Variants in RNF182 observed in about 807,000 individuals in gnomAD.
The protein encoded by RNF182 is ring finger protein 182.
A neutral mutation model predicts 14.4 loss-of-function variants in RNF182; 15 were observed. The observed-to-expected ratio is 1.04, with a 90% CI of 0.70 to 1.60. The LOEUF (loss-of-function observed/expected upper bound fraction) is 1.60. Among genes scored for constraint, RNF182 ranks in the 40% most tolerant of loss-of-function variants. The pLI, the probability that RNF182 is intolerant of heterozygous loss-of-function variation, is 0.00. For missense variants in RNF182, 268 were observed against 294.8 expected (o/e 0.91, Z 0.67); for synonymous variants, 128 against 122.9 (o/e 1.04, Z -0.27).
intron 1 of RNF182, among the ~76,000 whole-genome samples, chr6:13,966,192 A>G (rs1489256544): frequency 6.6e-6 from 1 of 152,242 alleles, no homozygotes; most frequent in East Asian, 1.9e-4. Flanking sequence ...TTACTACATA[A>G]GAATTTAGAA....
rs749580920 is a variant in RNF182, at chr6:13,977,547, C to T, written c.428C>T (p.Ser143Phe). The T allele has an allele frequency of 2.5e-6, 4 of 1,614,220 alleles. No homozygotes were observed. The East Asian group carries it at 8.9e-5, about 36-fold the overall frequency. The change falls in exon 3 of 3, where the codon TCC becomes TTC. Residue 143 changes from serine to phenylalanine, a missense_variant. Physicochemically the swap from Ser to Phe is radical, Grantham distance 155. Transcript: ENST00000488300. ...IMEVQRESSPSLSSTPVVEFY... is the reference protein window; with the variant it reads ...IMEVQRESSPFLSSTPVVEFY... ...GAGGTGCAGAGAGAGAGCTCCCCGTCCCTGAGCTCCACTCCTGTGGTAGAA... is the reference window on the plus strand; with the variant it reads ...GAGGTGCAGAGAGAGAGCTCCCCGTTCCTGAGCTCCACTCCTGTGGTAGAA...
At chr6:13,937,474 C>G (rs1186066078) in intron 1 of RNF182, among the ~76,000 whole-genome samples, 1 of 152,214 alleles carries the variant, frequency 6.6e-6, no homozygotes, top group South Asian at 2.1e-4. Context: ...GGATATTCAT[C>G]CTTGCTGCTG....
intron 1 of RNF182, 75 bp downstream of exon 1, chr6:13,925,098 G>A (rs1758787168): frequency 6.7e-6 from 1 of 149,938 alleles, no homozygotes; most frequent in African/African-American, 2.4e-5. Flanking sequence ...GCAGCAGCCA[G>A]CCCCGCAGTC....
At chr6:13,952,412 A>G (rs966948020) in intron 1 of RNF182, among the ~76,000 whole-genome samples, 2 of 152,132 alleles carry the variant, frequency 1.3e-5, no homozygotes, top group Non-Finnish European at 2.9e-5. Context: ...TCAACATCCC[A>G]TAGTGTCAAA....
intron 1 of RNF182, among the ~76,000 whole-genome samples, chr6:13,954,592 T>A (rs1759682827): frequency 6.6e-6 from 1 of 152,184 alleles, no homozygotes; most frequent in African/African-American, 2.4e-5. Flanking sequence ...TCTTTGGGTA[T>A]CATTAGTATT....
At chr6:13,932,942 C>G (rs1759009332) in intron 1 of RNF182, among the ~76,000 whole-genome samples, 1 of 152,144 alleles carries the variant, frequency 6.6e-6, no homozygotes, top group Non-Finnish European at 1.5e-5. Context: ...ACTGAAGGTA[C>G]CATTCTAGGT....
In RNF182 at chr6:13,925,016, C is replaced by T. The variant is rs1758778326; in HGVS notation, c.-374C>T. ...GCGGCTCCCGGGCCCTGGGCCGCCG[C>T]CGGCCAGGTAAGGCGATCGCGCCCG... is the stretch of plus-strand genomic sequence containing the variant. On this transcript the variant is annotated 5_prime_UTR_variant, in exon 1 of 3. Transcript: ENST00000488300. The T allele has an allele frequency of 6.7e-6, 1 of 150,238 alleles. No individual in the cohort carries two copies. The highest frequency in any genetic ancestry group is 6.6e-5 in the Admixed American group (1 of 15,080). The allele number at this position is 150,238 out of a possible 1,614,324, so 9.3% of individuals were successfully genotyped here.
At position 13,939,598 on chromosome 6, in the gene RNF182, C is replaced by T. The variant is rs1037861183; in HGVS notation, c.-367+14575C>T. 7.2e-5 allele frequency among the ~76,000 whole-genome samples: 11 copies of T among 152,050 alleles called. No individual in the cohort carries two copies. In the East Asian group the frequency reaches 7.7e-4, roughly 11 times the overall value. On this transcript the variant is annotated intron_variant, in intron 1 of 2. Coordinates refer to ENST00000488300, the MANE Select transcript of RNF182 (RefSeq NM_152737.4). The stretch of plus-strand genomic sequence containing the variant: ...TCTCTCTGTTGCCCACACTGGAGTG[C>T]AGTGGCGCGATCTGGGCTCGCTGCA...
In RNF182 at chr6:13,977,680, G is replaced by A. The variant is rs1760373017; in HGVS notation, c.561G>A (p.Trp187Ter). The A allele has an allele frequency of 1.2e-6, 2 of 1,614,160 alleles. No individual in the cohort carries two copies. Among genetic ancestry groups the A allele is most frequent in the Non-Finnish European group, 8.5e-7 (1 of 1,180,010 alleles). Residue 187 changes from tryptophan (W) to a stop codon, truncating the protein, a stop_gained, in exon 3 of 3, where the codon TGG becomes TGA. Transcript: ENST00000488300. LOFTEE classifies it high-confidence loss of function. The part of the protein sequence containing the change: ...LFQTSIRVLV[W>*]LLGLLYFSSL... ...AGACATCCATCCGGGTGTTAGTGTGGTTGCTAGGTTTGCTCTACTTCAGCT... is the reference window on the plus strand; with the variant it reads ...AGACATCCATCCGGGTGTTAGTGTGATTGCTAGGTTTGCTCTACTTCAGCT...
At chr6:13,971,956 G>C (rs947380764) in intron 1 of RNF182, among the ~76,000 whole-genome samples, 4 of 152,158 alleles carry the variant, frequency 2.6e-5, no homozygotes, top group African/African-American at 9.7e-5. Flanking sequence ...AAAGCATTCA[G>C]TTTTATGTAT....
rs138594440 is a variant in RNF182 at position 13,956,825 on chromosome 6, C to T, written c.-366-17385C>T. ...AATGTATTTATAATTTAAAAGCTTC[C>T]CCAAATTCATCATTTCCTGGGCTGA... On this transcript the variant is annotated intron_variant, in intron 1 of 2. Coordinates refer to ENST00000488300, the MANE Select transcript of RNF182 (RefSeq NM_152737.4). Among the ~76,000 whole-genome samples, 317 of 152,164 alleles carry T rather than the reference C, an allele frequency of 2.1e-3. 1 individual carries two copies. The highest frequency in any genetic ancestry group is 6.9e-3 in the African/African-American group (285 of 41,512).
At chr6:13,973,777 A>C (rs1312191947) in intron 1 of RNF182, among the ~76,000 whole-genome samples, 1 of 152,210 alleles carries the variant, frequency 6.6e-6, no homozygotes. Flanking sequence ...TAGCAGCATG[A>C]GAATGGACTA....
chr6:13,971,426 T>G (rs1388752118), intron 1 of RNF182, among the ~76,000 whole-genome samples: 1 of 152,194 alleles, frequency 6.6e-6, no homozygotes, highest in African/African-American at 2.4e-5. Flanking sequence ...CCTCTTTTTC[T>G]TTATAAATTA....
At chr6:13,949,289 A>G (rs927076107) in intron 1 of RNF182, 1 of 779,066 alleles carries the variant, frequency 1.3e-6, no homozygotes, top group African/African-American at 1.7e-5. Context: ...CACATCTGTC[A>G]GAAACCTGAC....
chr6:13,944,903 C>T (rs1276629632), intron 1 of RNF182, among the ~76,000 whole-genome samples: 2 of 152,146 alleles, frequency 1.3e-5, no homozygotes, highest in Non-Finnish European at 2.9e-5. Flanking sequence ...AATTTGCTTT[C>T]CTCAGAAGTG....
At chr6:13,937,933 T>C (rs1759177759) in intron 1 of RNF182, among the ~76,000 whole-genome samples, 1 of 152,048 alleles carries the variant, frequency 6.6e-6, no homozygotes, top group Non-Finnish European at 1.5e-5. Flanking sequence ...ATTAGCCATT[T>C]GGATAGCCTC....
intron 1 of RNF182, among the ~76,000 whole-genome samples, chr6:13,956,786 A>G (rs1403548441): frequency 1.3e-5 from 2 of 152,186 alleles, no homozygotes; most frequent in African/African-American, 4.8e-5. Context: ...TCTCTCAACC[A>G]CAAATATAGG....
At chr6:13,959,552 G>T (rs541064506) in intron 1 of RNF182, among the ~76,000 whole-genome samples, 1 of 152,262 alleles carries the variant, frequency 6.6e-6, no homozygotes, top group South Asian at 2.1e-4. Flanking sequence ...CAATGAACAA[G>T]GTCAAAACCT....
chr6:13,979,468 A>G lies in RNF182; in HGVS notation c.*1605A>G, dbSNP rs1031744489. The stretch of plus-strand genomic sequence containing the variant: ...ATAGCAGTTTGATTTTAATTGTAAA[A>G]CTAAACTTCGGGAATATGTATGCCC... On this transcript the variant is annotated 3_prime_UTR_variant, in exon 3 of 3. Transcript: ENST00000488300. The G allele has an allele frequency of 1.2e-5, 2 of 167,032 alleles. No homozygotes were observed. Among genetic ancestry groups the G allele is most frequent in the Non-Finnish European group, 2.9e-5 (2 of 68,122 alleles). 10.3% of individuals were successfully genotyped at this position (167,032 alleles called of 1,614,324 possible).
Sources: gnomAD v4.1 joint callset for allele counts (sites outside exome capture counted in the v4.1 genomes callset) on GRCh38, gnomAD v4.1.1 for gene constraint, MANE v1.5 for transcripts, NCBI Gene and HGNC (gene_info 2026-07-23, HGNC 2026-07-21) for gene names.